TGFB2: variants seen among roughly 807,000 people sequenced by gnomAD.
TGFB2 encodes transforming growth factor beta 2.
TGFB2 carries 13 observed loss-of-function variants against 42.7 expected under a neutral mutation model. The observed-to-expected ratio is 0.30, with a 90% CI of 0.20 to 0.48. The LOEUF is 0.48. TGFB2 is among the 20% of genes least tolerant of loss of function. TGFB2 has a pLI of 0.99. For missense variants in TGFB2, 390 were observed against 517.5 expected (o/e 0.75, Z 2.39); for synonymous variants, 193 against 193.6 (o/e 1.00, Z 0.03).
chr1:218,441,763 C>A lies in TGFB2; in HGVS notation c.*401C>A, dbSNP rs1660161952. 1 of 159,954 alleles carries A rather than the reference C, an allele frequency of 6.3e-6. No individual in the cohort carries two copies. The highest frequency in any genetic ancestry group is 6.2e-5 in the Admixed American group (1 of 16,076). 9.9% of individuals were successfully genotyped at this position (159,954 alleles called of 1,614,324 possible). A position where few individuals can be genotyped will look rare whatever the true frequency, so the allele number is the denominator to read the frequency against. ...CGTACCGTTCCTATCCCGCGCCTCA[C>A]TTGATTTTTCTGTATTGCTATGCAA... is the stretch of plus-strand genomic sequence containing the variant. On this transcript the variant is annotated 3_prime_UTR_variant, in exon 7 of 7. Transcript: ENST00000366930.
chr1:218,432,848 A>C (rs145216611), intron 2 of TGFB2, among the ~76,000 whole-genome samples: 23 of 152,116 alleles, frequency 1.5e-4, no homozygotes, highest in African/African-American at 5.1e-4. Flanking sequence ...GACAGCTTGA[A>C]CCCCTAAGTA....
intron 1 of TGFB2, among the ~76,000 whole-genome samples, chr1:218,386,425 T>C (rs1316505746): frequency 6.6e-6 from 1 of 152,210 alleles, no homozygotes; most frequent in Admixed American, 6.5e-5. Context: ...TGTAAGTTGT[T>C]TTCAAATGTA....
At chr1:218,426,073 A>G (rs996705218) in intron 2 of TGFB2, among the ~76,000 whole-genome samples, 9 of 152,380 alleles carry the variant, frequency 5.9e-5, no homozygotes, top group South Asian at 2.1e-4. Context: ...GCATTTAAAA[A>G]CAAGATGGGC....
intron 1 of TGFB2, among the ~76,000 whole-genome samples, chr1:218,383,138 G>T (rs1349787965): frequency 6.6e-6 from 1 of 152,212 alleles, no homozygotes; most frequent in African/African-American, 2.4e-5. Context: ...GAAGAGGAAA[G>T]AAACCTATGT....
intron 1 of TGFB2, among the ~76,000 whole-genome samples, chr1:218,382,745 A>T (rs1238499113): frequency 6.6e-6 from 1 of 152,158 alleles, no homozygotes; most frequent in Admixed American, 6.5e-5. Flanking sequence ...TTTGCTTGTG[A>T]TGAATCGGCC....
chr1:218,398,609 G>A (rs1009323911), intron 1 of TGFB2, among the ~76,000 whole-genome samples: 49 of 150,626 alleles, frequency 3.3e-4, no homozygotes, highest in African/African-American at 1.2e-3. Flanking sequence ...TATTTTTTGA[G>A]TTGGAGTCTT....
rs1023874961 is a variant in TGFB2, at chr1:218,365,828, G to C, written c.346+18781G>C. On this transcript the variant is annotated intron_variant, in intron 1 of 6. Coordinates refer to ENST00000366930, the MANE Select transcript of TGFB2 (RefSeq NM_003238.6). ...GTTGGCCTGTGCCAAGCAGCTCCAG[G>C]GCCATCCCTGTCACCTTGCGTGAAC... Among the ~76,000 whole-genome samples the C allele has an allele frequency of 2.6e-5, 4 of 152,190 alleles. No individual in the cohort carries two copies. In the South Asian group the frequency reaches 8.3e-4, roughly 32 times the overall value.
At position 218,376,798 on chromosome 1, in the gene TGFB2, AC is replaced by A. The variant is rs528805626; in HGVS notation, c.347-28370del. Among the ~76,000 whole-genome samples, 222 of 152,312 alleles carry A rather than the reference AC, an allele frequency of 1.5e-3. 3 individuals carry two copies. The highest frequency in any genetic ancestry group is 4.9e-3 in the African/African-American group (203 of 41,566). On this transcript the variant is annotated intron_variant, in intron 1 of 6. Coordinates refer to ENST00000366930, the MANE Select transcript of TGFB2 (RefSeq NM_003238.6). The stretch of plus-strand genomic sequence containing the variant: ...TATTTGTGGAGACCCATTTGTACAC[AC>A]TACCCTGCACAAAGCAGAAAAATTA...
chr1:218,407,004 T>A (rs1471720288), intron 2 of TGFB2, among the ~76,000 whole-genome samples: 1 of 152,222 alleles, frequency 6.6e-6, no homozygotes, highest in African/African-American at 2.4e-5. Flanking sequence ...GGATCAAAAT[T>A]TTCTTTGTAT....
chr1:218,416,629 T>A (rs1382505349), intron 2 of TGFB2, among the ~76,000 whole-genome samples: 3 of 152,332 alleles, frequency 2.0e-5, no homozygotes, highest in Non-Finnish European at 4.4e-5. Flanking sequence ...GTTACTATGC[T>A]TGTCCAAGCA....
At chr1:218,405,555 T>TA in intron 2 of TGFB2, 1 of 669,804 alleles carries the variant, frequency 1.5e-6, no homozygotes, top group Non-Finnish European at 2.5e-6. Flanking sequence ...TTTTTTTAGA[T>TA]ACGAGGTCTC....
At position 218,435,806 on chromosome 1, in the gene TGFB2, C is replaced by T. The variant is rs564397402; in HGVS notation, c.755-164C>T. Among the ~76,000 whole-genome samples the T allele has an allele frequency of 3.9e-5, 6 of 152,328 alleles. No individual in the cohort carries two copies. The East Asian group carries it at 9.6e-4, about 24-fold the overall frequency. On this transcript the variant is annotated intron_variant, in intron 4 of 6. Coordinates refer to ENST00000366930, the MANE Select transcript of TGFB2 (RefSeq NM_003238.6). ...ATTGTCACGTGGGTTAGTCGTAGTC[C>T]TGTTGTGCCATATCTATTTCCATGG...
rs139228206 is a variant in TGFB2 at position 218,390,422 on chromosome 1, G to A, written c.347-14747G>A. Reference sequence around the variant, plus strand: ...TGTGCTTTCCAATAAGTTGGGACCCGCTGGATTAACTCCTTGGAGACCCTA... The same window carrying A: ...TGTGCTTTCCAATAAGTTGGGACCCACTGGATTAACTCCTTGGAGACCCTA... On this transcript the variant is annotated intron_variant, in intron 1 of 6. Transcript: ENST00000366930. Among the ~76,000 whole-genome samples, 505 of 151,934 alleles carry A rather than the reference G, an allele frequency of 3.3e-3. 6 individuals carry two copies. Among genetic ancestry groups the A allele is most frequent in the Non-Finnish European group, 5.0e-3 (339 of 67,984 alleles).
chr1:218,367,958 A>T (rs767725021), intron 1 of TGFB2, among the ~76,000 whole-genome samples: 2 of 151,596 alleles, frequency 1.3e-5, no homozygotes, highest in African/African-American at 2.4e-5. Flanking sequence ...GCACGCCGCC[A>T]CTCCCAGCTA....
intron 1 of TGFB2, among the ~76,000 whole-genome samples, chr1:218,389,601 A>AC (rs1658256581): frequency 1.3e-5 from 2 of 151,910 alleles, no homozygotes; most frequent in Non-Finnish European, 2.9e-5. Context: ...CCTGATCAAA[A>AC]CCCCTCTGGC....
intron 2 of TGFB2, among the ~76,000 whole-genome samples, chr1:218,406,816 G>C (rs1011846588): frequency 6.6e-6 from 1 of 152,096 alleles, no homozygotes; most frequent in Non-Finnish European, 1.5e-5. Flanking sequence ...CAAAGATAGT[G>C]TGTAGAGTGA....
intron 1 of TGFB2, among the ~76,000 whole-genome samples, chr1:218,392,406 G>A (rs183342773): frequency 3.4e-3 from 524 of 152,286 alleles, no homozygotes; most frequent in Non-Finnish European, 5.0e-3. Flanking sequence ...AAGTAGGATC[G>A]AGTGGAAAGG....
At chr1:218,416,978 A>G (rs1571885736) in intron 2 of TGFB2, among the ~76,000 whole-genome samples, 1 of 152,304 alleles carries the variant, frequency 6.6e-6, no homozygotes, top group African/African-American at 2.4e-5. Context: ...TGGAACTGTA[A>G]GTCCAATAAA....
intron 2 of TGFB2, among the ~76,000 whole-genome samples, chr1:218,422,314 C>G (rs1659482489): frequency 6.6e-6 from 1 of 151,920 alleles, no homozygotes. Context: ...ACCTCCCAGG[C>G]TCAACAGATC....
Sources: gnomAD v4.1 joint callset for allele counts (sites outside exome capture counted in the v4.1 genomes callset) on GRCh38, gnomAD v4.1.1 for gene constraint, MANE v1.5 for transcripts, NCBI Gene and HGNC (gene_info 2026-07-23, HGNC 2026-07-21) for gene names.